Variants in RUFY3 observed in about 807,000 individuals in gnomAD.
RUFY3 encodes the protein protein RUFY3.
RUFY3 carries 34 observed loss-of-function variants against 84.0 expected under a neutral mutation model. The observed-to-expected ratio is 0.40, with a 90% CI of 0.31 to 0.54. RUFY3 has a LOEUF of 0.54. Ranked by LOEUF, RUFY3 falls within the 20% of genes least tolerant of loss-of-function variation. The pLI, the probability that RUFY3 is intolerant of heterozygous loss-of-function variation, is 0.39. For synonymous variants in RUFY3, 242 were observed against 252.9 expected (o/e 0.96, Z 0.41); for missense variants, 507 against 736.8 (o/e 0.69, Z 3.61).
chr4:70,762,533 A>G lies in RUFY3; in HGVS notation c.193A>G (p.Met65Val). Residue 65 changes from methionine to valine, a missense_variant, in exon 2 of 18, where the codon ATG (methionine) becomes GTG (valine). Around this residue, in one of 4 missense-constraint regions of RUFY3, gnomAD observed 133 missense variants for 301.1 expected, o/e 0.44. Transcript: ENST00000381006. ...EPTHEDPNYL[M>V]ANERMNLMNM... ...TTTGGCTGCAGATCCTAATTATCTC[A>G]TGGCTAATGAACGCATGAACCTCAT... 1.2e-6 allele frequency: 2 copies of G among 1,605,228 alleles called. No homozygotes were observed.
intron 7 of RUFY3, among the ~76,000 whole-genome samples, chr4:70,776,057 T>C (rs1205539870): frequency 6.6e-6 from 1 of 152,202 alleles, no homozygotes; most frequent in African/African-American, 2.4e-5. Context: ...TTGCCATTAT[T>C]ACAGTTAATT....
At chr4:70,783,549 G>C (rs1729288448) in intron 9 of RUFY3, among the ~76,000 whole-genome samples, 1 of 152,090 alleles carries the variant, frequency 6.6e-6, no homozygotes. Flanking sequence ...TATATCACTG[G>C]GAAAGAGCTA....
At chr4:70,726,373 C>CT (rs1031558937) in intron 1 of RUFY3, among the ~76,000 whole-genome samples, 13 of 151,306 alleles carry the variant, frequency 8.6e-5, no homozygotes, top group Admixed American at 4.6e-4. Flanking sequence ...TCTTTTTTTT[C>CT]TTTTTTTTGA....
At chr4:70,705,169 G>C (rs1018618474) in exon 1 of RUFY3, 27 of 1,461,078 alleles carry the variant, frequency 1.8e-5, no homozygotes, top group Non-Finnish European at 2.3e-5. Context: ...GCCGGCTTCG[G>C]AGTGCGCCCG....
chr4:70,752,649 G>C (rs148901229), intron 1 of RUFY3, among the ~76,000 whole-genome samples: 1 of 152,138 alleles, frequency 6.6e-6, no homozygotes, highest in Non-Finnish European at 1.5e-5. Flanking sequence ...CAAGTACTTT[G>C]TCTGCTTCTA....
At chr4:70,797,861 TA>T (rs200715156) in intron 14 of RUFY3, among the ~76,000 whole-genome samples, 21 of 150,092 alleles carry the variant, frequency 1.4e-4, no homozygotes, top group African/African-American at 4.2e-4. Flanking sequence ...AAAAAAATAA[TA>T]AAAAAAAACA....
chr4:70,744,416 G>A (rs966661566), intron 1 of RUFY3, among the ~76,000 whole-genome samples: 12 of 151,798 alleles, frequency 7.9e-5, no homozygotes, highest in African/African-American at 2.9e-4. Context: ...GCCCAGGCTG[G>A]TCTCAAACTC....
chr4:70,799,731 A>C (rs1731993586), intron 14 of RUFY3: 1 of 160,422 alleles, frequency 6.2e-6, no homozygotes, highest in Non-Finnish European at 1.3e-5. Flanking sequence ...TGGGGCATCA[A>C]CTTGATTGAA....
At chr4:70,758,021 CAG>C (rs1724326833) in intron 1 of RUFY3, among the ~76,000 whole-genome samples, 1 of 152,112 alleles carries the variant, frequency 6.6e-6, no homozygotes, top group Non-Finnish European at 1.5e-5. Flanking sequence ...TACAATATAA[CAG>C]AATCTTTTTT....
At position 70,755,779 on chromosome 4, in the gene RUFY3, G is replaced by A. The variant is rs555349301; in HGVS notation, c.179-6740G>A. Among the ~76,000 whole-genome samples, 28 of 152,086 alleles carry A rather than the reference G, an allele frequency of 1.8e-4. No individual in the cohort carries two copies. The East Asian group carries it at 4.5e-3, about 24-fold the overall frequency. ...ATCCTGGCTAACACAGTGAAACTCC[G>A]TATCTACTAAAAATACAAAAAGTTA... is the stretch of plus-strand genomic sequence containing the variant. On this transcript the variant is annotated intron_variant, in intron 1 of 17. Coordinates refer to ENST00000381006, the MANE Select transcript of RUFY3 (RefSeq NM_001037442.4).
chr4:70,806,598 A>G lies in RUFY3; in HGVS notation c.1802A>G (p.Glu601Gly). The change falls in exon 18 of 18, where the codon GAG becomes GGG. Residue 601 changes from glutamate to glycine, a missense_variant. Transcript: ENST00000381006. The stretch of plus-strand genomic sequence containing the variant: ...CCTCTTCCTTCAAGTATCAAGCTTG[A>G]GCGAGTTTGCAATCCCTGTCACAAG... ...ELPLPSSIKL[E>G]RVCNPCHKHL... The G allele has an allele frequency of 6.2e-7, 1 of 1,614,180 alleles. No individual in the cohort carries two copies. Among genetic ancestry groups the G allele is most frequent in the Non-Finnish European group, 8.5e-7 (1 of 1,180,006 alleles).
intron 16 of RUFY3, among the ~76,000 whole-genome samples, chr4:70,803,920 A>C (rs1201649913): frequency 6.7e-6 from 1 of 149,868 alleles, no homozygotes; most frequent in Non-Finnish European, 1.5e-5. Context: ...TTTTTGGTAG[A>C]GATGGAGTTT....
intron 1 of RUFY3, among the ~76,000 whole-genome samples, chr4:70,710,018 G>T (rs1285660252): frequency 6.6e-6 from 1 of 152,230 alleles, no homozygotes; most frequent in Non-Finnish European, 1.5e-5. Context: ...ACAAAGTTGA[G>T]TATACTTAAC....
intron 16 of RUFY3, among the ~76,000 whole-genome samples, chr4:70,804,030 C>A (rs1732569791): frequency 6.6e-6 from 1 of 152,058 alleles, no homozygotes; most frequent in Non-Finnish European, 1.5e-5. Context: ...CCACCAGGCC[C>A]AGTCCCCAGT....
chr4:70,793,822 T>C lies in RUFY3; in HGVS notation c.1375T>C (p.Leu459=). The change falls in exon 13 of 18, where the codon TTG becomes CTG. Residue 459 remains leucine (L), a synonymous_variant. Coordinates refer to ENST00000381006, the MANE Select transcript of RUFY3 (RefSeq NM_001037442.4). ...QAERSRQSAE[L]DNRLFKQDFG... Reference sequence around the variant, plus strand: ...TGAGCGAAGCCGCCAATCTGCTGAGTTGGACAACCGGCTCTTCAAACAGGA... The same window carrying C: ...TGAGCGAAGCCGCCAATCTGCTGAGCTGGACAACCGGCTCTTCAAACAGGA... The C allele has an allele frequency of 6.2e-7, 1 of 1,614,112 alleles. No individual in the cohort carries two copies. Among genetic ancestry groups the C allele is most frequent in the Non-Finnish European group, 8.5e-7 (1 of 1,180,010 alleles).
intron 8 of RUFY3, among the ~76,000 whole-genome samples, chr4:70,782,702 CAG>C (rs1309851424): frequency 2.6e-5 from 4 of 152,206 alleles, no homozygotes; most frequent in African/African-American, 9.6e-5. Flanking sequence ...CTCTTGAAGG[CAG>C]AAGTTCAACA....
At chr4:70,704,057 G>T (rs1042507413), upstream of RUFY3, 1 of 152,208 alleles carries the variant, frequency 6.6e-6, no homozygotes, top group South Asian at 2.1e-4. Context: ...AGCAACGGTG[G>T]CTAATTACTA....
chr4:70,757,728 A>G (rs930403508), intron 1 of RUFY3, among the ~76,000 whole-genome samples: 5 of 152,232 alleles, frequency 3.3e-5, no homozygotes, highest in Admixed American at 2.0e-4. Flanking sequence ...TTTGTTCTCT[A>G]TAAGTTTGTA....
At chr4:70,719,654 T>A (rs757214666), upstream of RUFY3, among the ~76,000 whole-genome samples, 1 of 152,244 alleles carries the variant, frequency 6.6e-6, no homozygotes, top group Non-Finnish European at 1.5e-5. Context: ...CTACTTACTA[T>A]GTTTTGAAGT....
Sources: allele counts gnomAD v4.1 joint callset (sites outside exome capture counted in the v4.1 genomes callset), GRCh38; gene constraint gnomAD v4.1.1; regional missense constraint gnomAD v4.1.1; transcripts MANE v1.5; gene names NCBI Gene and HGNC (gene_info 2026-07-23, HGNC 2026-07-21).